Variants in AKT3 observed in about 807,000 individuals in gnomAD.
AKT3 encodes the protein AKT serine/threonine kinase 3, also known as RAC-gamma serine/threonine-protein kinase.
AKT3 carries 15 observed loss-of-function variants against 65.3 expected under a neutral mutation model. That is an observed-to-expected ratio of 0.23 (90% CI 0.15 to 0.35). AKT3 has a LOEUF of 0.35. Among genes scored for constraint, AKT3 ranks in the 10% least tolerant of loss-of-function variants. The pLI is 1.00. For synonymous variants in AKT3, 206 were observed against 183.8 expected, an observed-to-expected ratio of 1.12 and a Z score of -0.98; for missense variants, 243 against 576.5, an observed-to-expected ratio of 0.42 and a Z score of 5.92.
chr1:243,642,966 A>C (rs2290754), intron 5 of AKT3, among the ~76,000 whole-genome samples: 35,278 of 152,112 alleles, frequency 0.23, 4,418 homozygotes, highest in African/African-American at 0.31. Flanking sequence ...CAGCAAAACC[A>C]AGTAAGTAGA....
intron 11 of AKT3, among the ~76,000 whole-genome samples, chr1:243,547,120 T>C (rs1031099413): frequency 1.3e-5 from 2 of 152,230 alleles, no homozygotes; most frequent in Non-Finnish European, 2.9e-5. Flanking sequence ...CCCCAACTCA[T>C]AGTATTTGCC....
chr1:243,661,835 C>T (rs1184480871), intron 4 of AKT3, among the ~76,000 whole-genome samples: 5 of 149,350 alleles, frequency 3.3e-5, no homozygotes, highest in Non-Finnish European at 1.5e-5. Flanking sequence ...CCAGAATCTA[C>T]AATGAACTCA....
intron 6 of AKT3, among the ~76,000 whole-genome samples, chr1:243,618,377 C>T (rs1198710770): frequency 6.6e-6 from 1 of 152,044 alleles, no homozygotes; most frequent in African/African-American, 2.4e-5. Flanking sequence ...ATTTCACATA[C>T]TAATTAGTTT....
Position 243,613,740 on chromosome 1 carries a change from C to A in AKT3, c.628-1G>T. On this transcript the variant is annotated splice_acceptor_variant, in intron 7 of 13. Transcript: ENST00000673466. LOFTEE classifies it high-confidence loss of function. The stretch of plus-strand genomic sequence containing the variant: ...TTGTCTGGAAGGAATATTTCAAGGA[C>A]TTGAAATAAAAAAAAGAAAAAATGT... 1 of 1,570,136 alleles carries A rather than the reference C, an allele frequency of 6.4e-7. No homozygotes were observed. The highest frequency in any genetic ancestry group is 8.6e-7 in the Non-Finnish European group (1 of 1,158,032).
chr1:243,769,509 T>C (rs573879268), intron 2 of AKT3, among the ~76,000 whole-genome samples: 1 of 152,332 alleles, frequency 6.6e-6, no homozygotes, highest in East Asian at 1.9e-4. Flanking sequence ...AGTTGATATC[T>C]CACATGATTT....
In AKT3 at chr1:243,605,076, G is replaced by A. The variant is rs140115090; in HGVS notation, c.696+8595C>T. On this transcript the variant is annotated intron_variant, in intron 8 of 13. Coordinates refer to ENST00000673466, the MANE Select transcript of AKT3 (RefSeq NM_005465.7). ...GTCTCACTCTGTTGCCCACGCTGGA[G>A]TGCAGTAGCACAACCATGGCTCACT... Among the ~76,000 whole-genome samples, 527 of 152,254 alleles carry A rather than the reference G, an allele frequency of 3.5e-3. 2 individuals are homozygous for A. The highest frequency in any genetic ancestry group is 0.012 in the African/African-American group (509 of 41,528).
At chr1:243,596,226 A>G (rs1048548302) in intron 8 of AKT3, among the ~76,000 whole-genome samples, 1 of 152,224 alleles carries the variant, frequency 6.6e-6, no homozygotes, top group Non-Finnish European at 1.5e-5. Flanking sequence ...AGTGAAAACC[A>G]TAAAAGGCAA....
intron 2 of AKT3, among the ~76,000 whole-genome samples, chr1:243,780,261 A>G (rs902709209): frequency 2.0e-5 from 3 of 152,112 alleles, no homozygotes; most frequent in African/African-American, 7.2e-5. Context: ...AGGACAAATC[A>G]ATATGATGTG....
At chr1:243,777,936 C>T (rs1003349990) in intron 2 of AKT3, among the ~76,000 whole-genome samples, 2 of 152,184 alleles carry the variant, frequency 1.3e-5, no homozygotes, top group African/African-American at 2.4e-5. Flanking sequence ...CACCTTGAGG[C>T]ATGTATCCTT....
chr1:243,802,370 T>C (rs2148369895), intron 2 of AKT3, among the ~76,000 whole-genome samples: 1 of 152,310 alleles, frequency 6.6e-6, no homozygotes, highest in African/African-American at 2.4e-5. Context: ...ATTTATAATT[T>C]AAAGTAATAT....
At chr1:243,849,376 C>G (rs531242959) in intron 1 of AKT3, among the ~76,000 whole-genome samples, 1 of 124,490 alleles carries the variant, frequency 8.0e-6, no homozygotes, top group South Asian at 2.6e-4. Context: ...TACCCACCTC[C>G]CACACACACA....
chr1:243,788,117 T>C (rs984075010), intron 2 of AKT3, among the ~76,000 whole-genome samples: 3 of 152,206 alleles, frequency 2.0e-5, no homozygotes, highest in Non-Finnish European at 2.9e-5. Context: ...TAATCTATTT[T>C]TGAGGAATAC....
intron 8 of AKT3, among the ~76,000 whole-genome samples, chr1:243,583,540 C>CAAAAAAAAAAAAAAA (rs1294857854): frequency 3.3e-5 from 1 of 30,032 alleles, no homozygotes; most frequent in Non-Finnish European, 7.3e-5. Flanking sequence ...AAGTAAGTCT[C>CAAAAAAAAAAAAAAA]AAAAAAAAAA....
At chr1:243,822,769 G>A (rs1260352299) in intron 2 of AKT3, among the ~76,000 whole-genome samples, 5 of 152,132 alleles carry the variant, frequency 3.3e-5, no homozygotes, top group Non-Finnish European at 7.4e-5. Context: ...TACAGGTTCT[G>A]AAATTGAGGC....
At chr1:243,610,507 T>C (rs924021734) in intron 8 of AKT3, among the ~76,000 whole-genome samples, 1 of 152,252 alleles carries the variant, frequency 6.6e-6, no homozygotes, top group Admixed American at 6.5e-5. Context: ...CATTTAATAG[T>C]GTTTTTCCAA....
At chr1:243,495,332 G>T (rs1370126023), downstream of AKT3, among the ~76,000 whole-genome samples, 3 of 152,210 alleles carry the variant, frequency 2.0e-5, no homozygotes, top group Admixed American at 2.0e-4. Context: ...CCTTCTCTGT[G>T]GATACCTTTC....
intron 3 of AKT3, among the ~76,000 whole-genome samples, chr1:243,688,165 GAA>G (rs1314217539): frequency 6.6e-6 from 1 of 151,722 alleles, no homozygotes; most frequent in Non-Finnish European, 1.5e-5. Context: ...AGAAAAAAAA[GAA>G]AGCACCAAAT....
At chr1:243,718,194 T>C (rs184535648) in intron 2 of AKT3, among the ~76,000 whole-genome samples, 1 of 152,158 alleles carries the variant, frequency 6.6e-6, no homozygotes, top group Non-Finnish European at 1.5e-5. Flanking sequence ...GATCTGTAGC[T>C]GAAGCAATTA....
chr1:243,495,428 T>C (rs554071601), downstream of AKT3, among the ~76,000 whole-genome samples: 1 of 152,340 alleles, frequency 6.6e-6, no homozygotes, highest in African/African-American at 2.4e-5. Flanking sequence ...GAAGGAGGGC[T>C]TTGAACTCTG....
Sources: allele counts gnomAD v4.1 joint callset (sites outside exome capture counted in the v4.1 genomes callset), GRCh38; gene constraint gnomAD v4.1.1; transcripts MANE v1.5; gene names NCBI Gene and HGNC (gene_info 2026-07-23, HGNC 2026-07-21).